Variants in NEGR1 observed in about 807,000 individuals in gnomAD.
NEGR1 encodes IgLON family member 4.
NEGR1 carries 10 observed loss-of-function variants against 40.9 expected under a neutral mutation model. The observed-to-expected ratio is 0.24, with a 90% CI of 0.15 to 0.42. The LOEUF is 0.42. Among genes scored for constraint, NEGR1 ranks in the 10% least tolerant of loss-of-function variants. NEGR1 has a pLI of 1.00. For missense variants in NEGR1, 352 were observed against 438.9 expected (o/e 0.80, Z 1.77); for synonymous variants, 185 against 166.8 (o/e 1.11, Z -0.84).
At chr1:71,971,173 G>A (rs949757756) in intron 1 of NEGR1, among the ~76,000 whole-genome samples, 1 of 152,244 alleles carries the variant, frequency 6.6e-6, no homozygotes, top group Non-Finnish European at 1.5e-5. Flanking sequence ...GAACCTGGAA[G>A]AACCAAGAAT....
At chr1:71,598,748 T>C (rs1490052438) in intron 5 of NEGR1, among the ~76,000 whole-genome samples, 1 of 152,260 alleles carries the variant, frequency 6.6e-6, no homozygotes, top group African/African-American at 2.4e-5. Flanking sequence ...TGCAGTATTT[T>C]AGAGTAATCC....
intron 2 of NEGR1, among the ~76,000 whole-genome samples, chr1:71,817,596 T>G (rs748502996): frequency 2.0e-5 from 3 of 151,968 alleles, no homozygotes; most frequent in South Asian, 4.1e-4. Flanking sequence ...TTTTTGGAGC[T>G]AGATTATTTC....
chr1:72,278,071 T>C (rs1656119413), intron 1 of NEGR1, among the ~76,000 whole-genome samples: 1 of 152,154 alleles, frequency 6.6e-6, no homozygotes, highest in Non-Finnish European at 1.5e-5. Context: ...TAAATTTACT[T>C]GTAAAAGTTT....
Position 71,777,035 on chromosome 1 carries a change from A to G in NEGR1, c.410-738T>C, listed in dbSNP as rs192162308. Among the ~76,000 whole-genome samples, 9 of 152,288 alleles carry G rather than the reference A, an allele frequency of 5.9e-5. No individual in the cohort carries two copies. The East Asian group carries it at 1.5e-3, about 26-fold the overall frequency. On this transcript the variant is annotated intron_variant, in intron 2 of 6. Transcript: ENST00000357731. ...TGTATTGCATTTTCTCTGATGTATTAGACTAGAGAAGTTTTTATCCCAGAA... is the reference window on the plus strand; with the variant it reads ...TGTATTGCATTTTCTCTGATGTATTGGACTAGAGAAGTTTTTATCCCAGAA...
intron 1 of NEGR1, among the ~76,000 whole-genome samples, chr1:72,260,449 G>A (rs1468695520): frequency 1.3e-5 from 2 of 152,100 alleles, no homozygotes; most frequent in East Asian, 1.9e-4. Flanking sequence ...GTCAGGCACT[G>A]TTTTTAGAAT....
intron 2 of NEGR1, among the ~76,000 whole-genome samples, chr1:71,812,878 T>C (rs542157909): frequency 2.0e-5 from 3 of 152,256 alleles, no homozygotes; most frequent in East Asian, 3.9e-4. Flanking sequence ...CTGATGATAG[T>C]TTCTTTTGTT....
intron 1 of NEGR1, among the ~76,000 whole-genome samples, chr1:72,079,117 A>G (rs1647878572): frequency 6.7e-6 from 1 of 148,490 alleles, no homozygotes; most frequent in African/African-American, 2.5e-5. Flanking sequence ...ATATAATATT[A>G]TATACATAAT....
chr1:72,110,116 G>C (rs992149179), intron 1 of NEGR1, among the ~76,000 whole-genome samples: 4 of 150,296 alleles, frequency 2.7e-5, no homozygotes, highest in African/African-American at 9.8e-5. Flanking sequence ...TTTCAGACCA[G>C]TGTGGAGACA....
At chr1:71,596,033 C>T (rs1420757226) in intron 5 of NEGR1, among the ~76,000 whole-genome samples, 4 of 120,966 alleles carry the variant, frequency 3.3e-5, no homozygotes, top group Non-Finnish European at 7.0e-5. Flanking sequence ...AAACCCTGCC[C>T]CTCCCTGCCA....
At chr1:72,001,919 T>C (rs923508858) in intron 1 of NEGR1, among the ~76,000 whole-genome samples, 2 of 152,090 alleles carry the variant, frequency 1.3e-5, no homozygotes, top group Admixed American at 6.6e-5. Context: ...CATGTATTTT[T>C]TCCTGTCTCC....
At chr1:71,554,849 T>C (rs1320771178) in intron 6 of NEGR1, among the ~76,000 whole-genome samples, 1 of 151,456 alleles carries the variant, frequency 6.6e-6, no homozygotes, top group Non-Finnish European at 1.5e-5. Flanking sequence ...AAGATTAGAA[T>C]GAGAACACTT....
intron 1 of NEGR1, among the ~76,000 whole-genome samples, chr1:72,250,884 T>C (rs115155941): frequency 0.013 from 1,920 of 152,246 alleles, 39 homozygotes; most frequent in African/African-American, 0.044. Flanking sequence ...CACTGGGAAA[T>C]AGCAACCTCC....
chr1:71,689,681 C>T (rs1653185340), intron 4 of NEGR1, among the ~76,000 whole-genome samples: 2 of 151,816 alleles, frequency 1.3e-5, no homozygotes, highest in Non-Finnish European at 2.9e-5. Context: ...CATTATTAAT[C>T]TTCATTATAC....
At chr1:72,022,884 AT>A (rs1403022955) in intron 1 of NEGR1, among the ~76,000 whole-genome samples, 1 of 152,118 alleles carries the variant, frequency 6.6e-6, no homozygotes, top group African/African-American at 2.4e-5. Context: ...AAATCCTATA[AT>A]TTTCCTGTAA....
chr1:71,583,303 A>G (rs982230603), intron 6 of NEGR1, among the ~76,000 whole-genome samples: 2 of 152,162 alleles, frequency 1.3e-5, no homozygotes, highest in Non-Finnish European at 2.9e-5. Context: ...CATGATGGTG[A>G]TATGTGGCAG....
At chr1:71,827,432 A>T (rs1041852411) in intron 2 of NEGR1, among the ~76,000 whole-genome samples, 5 of 151,818 alleles carry the variant, frequency 3.3e-5, no homozygotes, top group African/African-American at 4.8e-5. Flanking sequence ...CAATCAATGA[A>T]AAAGCTGACT....
rs1309446044 is a variant in NEGR1 at position 71,925,888 on chromosome 1, G to A, written c.409+9191C>T. Reference sequence around the variant, plus strand: ...TTTTATTTATAGAGAGATTTTCATAGTGATAGTGTACATTGCACTGGGATT... The same window carrying A: ...TTTTATTTATAGAGAGATTTTCATAATGATAGTGTACATTGCACTGGGATT... On this transcript the variant is annotated intron_variant, in intron 2 of 6. Transcript: ENST00000357731. Among the ~76,000 whole-genome samples the A allele has an allele frequency of 2.0e-5, 3 of 152,128 alleles. No individual in the cohort carries two copies. In the East Asian group the frequency reaches 5.8e-4, roughly 29 times the overall value.
chr1:71,974,083 C>T (rs1646281282), intron 1 of NEGR1, among the ~76,000 whole-genome samples: 1 of 152,142 alleles, frequency 6.6e-6, no homozygotes. Flanking sequence ...CACCATTCAC[C>T]TTGTGCTTTT....
intron 4 of NEGR1, among the ~76,000 whole-genome samples, chr1:71,611,525 T>G (rs1401977638): frequency 6.6e-6 from 1 of 152,174 alleles, no homozygotes; most frequent in Non-Finnish European, 1.5e-5. Context: ...GTGCTTTACA[T>G]TCTCGATTTC....
Sources: gnomAD v4.1 joint callset for allele counts (sites outside exome capture counted in the v4.1 genomes callset) on GRCh38, gnomAD v4.1.1 for gene constraint, MANE v1.5 for transcripts, NCBI Gene and HGNC (gene_info 2026-07-23, HGNC 2026-07-21) for gene names.